GRB2: variants seen among roughly 807,000 people sequenced by gnomAD.
GRB2 encodes the protein growth factor receptor-bound protein 2.
GRB2 carries 2 observed loss-of-function variants against 27.4 expected under a neutral mutation model. That is an observed-to-expected ratio of 0.07 (90% CI 0.03 to 0.23). GRB2 has a LOEUF of 0.23. Among genes scored for constraint, GRB2 ranks in the 10% least tolerant of loss-of-function variants. The probability of loss-of-function intolerance (pLI) is 1.00; values close to 1 mark genes in which losing one functional copy is unlikely to be tolerated. For missense variants in GRB2, 102 were observed against 282.4 expected (o/e 0.36, Z 4.58); for synonymous variants, 94 against 99.6 (o/e 0.94, Z 0.33).
intron 2 of GRB2, among the ~76,000 whole-genome samples, chr17:75,382,808 A>C (rs1389053205): frequency 1.3e-5 from 2 of 152,174 alleles, no homozygotes; most frequent in Non-Finnish European, 2.9e-5. Flanking sequence ...TTCCGGGTTC[A>C]CGCCATTCTC....
chr17:75,376,026 GAAAAAAAAA>G (rs58559493), intron 2 of GRB2, among the ~76,000 whole-genome samples: 1 of 65,388 alleles, frequency 1.5e-5, no homozygotes, highest in South Asian at 6.4e-4. Context: ...CTCCGTCTCA[GAAAAAAAAA>G]AAAAAAAAAA....
intron 2 of GRB2, among the ~76,000 whole-genome samples, chr17:75,383,907 C>T (rs991225783): frequency 2.0e-5 from 3 of 152,142 alleles, no homozygotes; most frequent in African/African-American, 7.2e-5. Flanking sequence ...TTAGTCTTCA[C>T]TATGACCCCA....
chr17:75,386,987 A>AACACAGTGAACCCCCGTCTCT, intron 2 of GRB2, among the ~76,000 whole-genome samples: 1 of 151,594 alleles, frequency 6.6e-6, no homozygotes, highest in East Asian at 1.9e-4. Flanking sequence ...CATCCTGGCT[A>AACACAGTGAACCCCCGTCTCT]ACTAAAAACA....
intron 2 of GRB2, among the ~76,000 whole-genome samples, chr17:75,362,687 T>G (rs2078791838): frequency 6.6e-6 from 1 of 152,180 alleles, no homozygotes; most frequent in Non-Finnish European, 1.5e-5. Context: ...ACTTTAAAAA[T>G]TCTAAAACTA....
At chr17:75,383,242 C>T (rs1298562030) in intron 2 of GRB2, among the ~76,000 whole-genome samples, 1 of 152,150 alleles carries the variant, frequency 6.6e-6, no homozygotes, top group East Asian at 1.9e-4. Context: ...CAGAAACTTA[C>T]AAAAGAGGCC....
intron 2 of GRB2, among the ~76,000 whole-genome samples, chr17:75,334,612 G>C (rs921951222): frequency 1.3e-5 from 2 of 152,108 alleles, no homozygotes; most frequent in African/African-American, 4.8e-5. Context: ...ATTAGGCACA[G>C]TAAGAGATTA....
chr17:75,374,265 G>A (rs537564335), intron 2 of GRB2, among the ~76,000 whole-genome samples: 1 of 151,588 alleles, frequency 6.6e-6, no homozygotes, highest in Admixed American at 6.6e-5. Context: ...TTAGCCAGAC[G>A]TAGTGGCGGG....
chr17:75,371,544 G>A (rs2078856631), intron 2 of GRB2: 1 of 152,128 alleles, frequency 6.6e-6, no homozygotes, highest in Non-Finnish European at 1.5e-5. Context: ...GGAACCTACT[G>A]TGAAATGGAG....
At chr17:75,402,230 G>A (rs558271876) in intron 1 of GRB2, among the ~76,000 whole-genome samples, 2 of 152,278 alleles carry the variant, frequency 1.3e-5, no homozygotes, top group South Asian at 2.1e-4. Context: ...ATGGGTACTG[G>A]AAGTATAGTT....
intron 4 of GRB2, among the ~76,000 whole-genome samples, chr17:75,323,781 C>G (rs2078476727): frequency 6.6e-6 from 1 of 151,594 alleles, no homozygotes; most frequent in Admixed American, 6.6e-5. Context: ...TAAAGAAAGA[C>G]AGGTGTCACA....
intron 2 of GRB2, among the ~76,000 whole-genome samples, chr17:75,363,471 C>A (rs1343649434): frequency 6.6e-6 from 1 of 152,106 alleles, no homozygotes; most frequent in Non-Finnish European, 1.5e-5. Flanking sequence ...ACCAAAAGTA[C>A]AACAAATGCA....
At chr17:75,389,933 C>A (rs928365997) in intron 2 of GRB2, among the ~76,000 whole-genome samples, 1 of 152,152 alleles carries the variant, frequency 6.6e-6, no homozygotes, top group African/African-American at 2.4e-5. Flanking sequence ...TACTGTTTCA[C>A]ATATTAATCT....
chr17:75,321,271 G>A (rs897768333), intron 5 of GRB2, among the ~76,000 whole-genome samples: 1 of 145,556 alleles, frequency 6.9e-6, no homozygotes, highest in Non-Finnish European at 1.5e-5. Flanking sequence ...CCACCTCCTG[G>A]GTTCAAGCAA....
At position 75,318,945 on chromosome 17, in the gene GRB2, G is replaced by A. The variant is rs1567853743; in HGVS notation, c.*1423C>T. 1 of 152,406 alleles carries A rather than the reference G, an allele frequency of 6.6e-6. No homozygotes were observed. Among genetic ancestry groups the A allele is most frequent in the Non-Finnish European group, 1.5e-5 (1 of 68,094 alleles). The allele number at this position is 152,406 out of a possible 1,614,324, so 9.4% of individuals were successfully genotyped here. Reference sequence around the variant, plus strand: ...CTTGCTGGTTCCAGGGGTGCATATAGGGAGGGGGCGGGGGCCACAACCCCC... The same window carrying A: ...CTTGCTGGTTCCAGGGGTGCATATAAGGAGGGGGCGGGGGCCACAACCCCC... On this transcript the variant is annotated 3_prime_UTR_variant, in exon 6 of 6. Transcript: ENST00000316804.
chr17:75,372,749 T>C (rs370652840), intron 2 of GRB2: 45 of 152,340 alleles, frequency 3.0e-4, no homozygotes, highest in African/African-American at 1.1e-3. Flanking sequence ...CCATATAAGC[T>C]AGATGCTACA....
chr17:75,362,371 G>A (rs1447888776), intron 2 of GRB2, among the ~76,000 whole-genome samples: 1 of 152,120 alleles, frequency 6.6e-6, no homozygotes, highest in East Asian at 1.9e-4. Context: ...ATGAAGAGTT[G>A]AGTTTTGTTT....
At chr17:75,344,768 G>A (rs558517979) in intron 2 of GRB2, among the ~76,000 whole-genome samples, 2 of 152,040 alleles carry the variant, frequency 1.3e-5, no homozygotes, top group South Asian at 4.2e-4. Context: ...CTAACAGAAG[G>A]AGGCTTTTAA....
chr17:75,355,053 C>T (rs951206509), intron 2 of GRB2, among the ~76,000 whole-genome samples: 2 of 152,202 alleles, frequency 1.3e-5, no homozygotes, highest in South Asian at 2.1e-4. Flanking sequence ...GGTGATCCAC[C>T]TGCCTTGGCC....
At chr17:75,325,380 C>T (rs554968917) in intron 4 of GRB2, among the ~76,000 whole-genome samples, 5 of 152,326 alleles carry the variant, frequency 3.3e-5, no homozygotes, top group African/African-American at 7.2e-5. Context: ...CTCTCCATGG[C>T]GGCAGAACTT....
Sources: gnomAD v4.1 joint callset for allele counts (sites outside exome capture counted in the v4.1 genomes callset) on GRCh38, gnomAD v4.1.1 for gene constraint, MANE v1.5 for transcripts, NCBI Gene and HGNC (gene_info 2026-07-23, HGNC 2026-07-21) for gene names.